Variants in TSHZ2 observed in about 807,000 individuals in gnomAD.
TSHZ2 encodes teashirt homolog 2.
A neutral mutation model predicts 74.4 loss-of-function variants in TSHZ2; 21 were observed. The ratio of observed to expected loss-of-function variants is 0.28; its 90% CI spans 0.20 to 0.41. TSHZ2 has a LOEUF of 0.41. Among genes scored for constraint, TSHZ2 ranks in the 10% least tolerant of loss-of-function variants. The pLI is 1.00. For synonymous variants in TSHZ2, 540 were observed against 515.3 expected, an observed-to-expected ratio of 1.05 and a Z score of -0.65; for missense variants, 1,244 against 1,293.5, an observed-to-expected ratio of 0.96 and a Z score of 0.59.
At chr20:53,343,048 T>A (rs1210408327) in intron 2 of TSHZ2, among the ~76,000 whole-genome samples, 1 of 132,920 alleles carries the variant, frequency 7.5e-6, no homozygotes, top group Non-Finnish European at 1.6e-5. Flanking sequence ...CTCACTGCAA[T>A]CTCCGCCTCC....
intron 1 of TSHZ2, among the ~76,000 whole-genome samples, chr20:53,001,224 G>GTGTGTATGTGTGTGTGTGTGTGTGTA (rs1555813602): frequency 6.8e-6 from 1 of 147,738 alleles, no homozygotes; most frequent in African/African-American, 2.5e-5. Context: ...GTGTGTGTGT[G>GTGTGTATGTGTGTGTGTGTGTGTGTA]TGTGTGTGTG....
intron 2 of TSHZ2, among the ~76,000 whole-genome samples, chr20:53,287,384 G>T (rs1402461516): frequency 6.6e-6 from 1 of 152,164 alleles, no homozygotes; most frequent in African/African-American, 2.4e-5. Flanking sequence ...GGTCCACAAG[G>T]GGTGGGCATT....
intron 1 of TSHZ2, among the ~76,000 whole-genome samples, chr20:53,088,286 A>G (rs1245452242): frequency 1.3e-5 from 2 of 152,216 alleles, no homozygotes; most frequent in African/African-American, 4.8e-5. Flanking sequence ...AACAGAATGT[A>G]CACAATTCTG....
chr20:53,090,111 G>A (rs1268314217), intron 1 of TSHZ2, among the ~76,000 whole-genome samples: 1 of 152,210 alleles, frequency 6.6e-6, no homozygotes, highest in Non-Finnish European at 1.5e-5. Flanking sequence ...TGAAGAACTT[G>A]GAGTCTGATG....
chr20:53,252,817 C>A (rs762411240), intron 1 of TSHZ2, among the ~76,000 whole-genome samples: 4 of 152,154 alleles, frequency 2.6e-5, no homozygotes, highest in Admixed American at 2.6e-4. Flanking sequence ...CATTCTAGCA[C>A]CATTTGCGAT....
rs182729395 is a variant in TSHZ2 at position 53,175,663 on chromosome 20, G to C, written c.41-77836G>C. Among the ~76,000 whole-genome samples, 53 of 152,298 alleles carry C rather than the reference G, an allele frequency of 3.5e-4. No individual in the cohort carries two copies. In the East Asian group the frequency reaches 9.5e-3, roughly 27 times the overall value. Reference sequence around the variant, plus strand: ...AAGCAGCTGAGGCAGAGGGTGGATTGGGGTAGGGCAGATAGTGGCTGCTCC... The same window carrying C: ...AAGCAGCTGAGGCAGAGGGTGGATTCGGGTAGGGCAGATAGTGGCTGCTCC... On this transcript the variant is annotated intron_variant, in intron 1 of 2. Coordinates refer to ENST00000371497, the MANE Select transcript of TSHZ2 (RefSeq NM_173485.6).
At chr20:53,312,392 A>T (rs532605488) in intron 2 of TSHZ2, among the ~76,000 whole-genome samples, 1 of 152,298 alleles carries the variant, frequency 6.6e-6, no homozygotes, top group Non-Finnish European at 1.5e-5. Flanking sequence ...TCACACACAC[A>T]CCAAAAGGGT....
At chr20:53,473,436 G>A (rs76412841) in intron 2 of TSHZ2, among the ~76,000 whole-genome samples, 94 of 130,146 alleles carry the variant, frequency 7.2e-4, no homozygotes, top group African/African-American at 2.2e-3. Flanking sequence ...ACAGACCTGT[G>A]GCTGAGGGTC....
At chr20:53,391,296 G>A (rs779804628) in intron 2 of TSHZ2, among the ~76,000 whole-genome samples, 2 of 151,962 alleles carry the variant, frequency 1.3e-5, no homozygotes, top group African/African-American at 2.4e-5. Context: ...ACAGGCACCC[G>A]CCACCACATC....
At chr20:53,248,237 T>C (rs1012067456) in intron 1 of TSHZ2, among the ~76,000 whole-genome samples, 1 of 138,746 alleles carries the variant, frequency 7.2e-6, no homozygotes, top group African/African-American at 2.6e-5. Context: ...TGCCTGGCTA[T>C]TTTTTTTTTA....
At chr20:53,305,111 T>C (rs1978473814) in intron 2 of TSHZ2, among the ~76,000 whole-genome samples, 1 of 151,058 alleles carries the variant, frequency 6.6e-6, no homozygotes, top group Admixed American at 6.6e-5. Flanking sequence ...AATTTTTTTT[T>C]GTATTTTTAG....
In TSHZ2 at chr20:53,197,593, G is replaced by A. The variant is rs554456546; in HGVS notation, c.41-55906G>A. Among the ~76,000 whole-genome samples the A allele has an allele frequency of 3.9e-5, 6 of 152,282 alleles. No homozygotes were observed. In the East Asian group the frequency reaches 1.2e-3, roughly 29 times the overall value. ...TTTCCCAACCTTCAGTTGCCATCAA[G>A]CATATAATTTATTTCTCCCCCTTCG... On this transcript the variant is annotated intron_variant, in intron 1 of 2. Coordinates refer to ENST00000371497, the MANE Select transcript of TSHZ2 (RefSeq NM_173485.6).
chr20:53,045,575 C>T (rs901781274), intron 1 of TSHZ2, among the ~76,000 whole-genome samples: 6 of 152,198 alleles, frequency 3.9e-5, no homozygotes, highest in Non-Finnish European at 7.3e-5. Flanking sequence ...ATTCATTCAC[C>T]TAAGGAATCA....
chr20:53,400,505 C>T (rs904785885), intron 2 of TSHZ2: 5 of 152,198 alleles, frequency 3.3e-5, no homozygotes, highest in Admixed American at 6.5e-5. Flanking sequence ...GAAGAATGTG[C>T]TTTTTAACTT....
chr20:53,002,771 C>T (rs965866943), intron 1 of TSHZ2, among the ~76,000 whole-genome samples: 1 of 152,130 alleles, frequency 6.6e-6, no homozygotes, highest in Non-Finnish European at 1.5e-5. Context: ...CTTTAAAGAA[C>T]ATAAGTTTTA....
intron 1 of TSHZ2, among the ~76,000 whole-genome samples, chr20:53,053,878 T>A (rs1009067827): frequency 6.6e-6 from 1 of 152,184 alleles, no homozygotes; most frequent in African/African-American, 2.4e-5. Flanking sequence ...TCCCATGTTG[T>A]CCATTGCCAT....
At chr20:52,976,116 G>T (rs941644693) in intron 1 of TSHZ2, among the ~76,000 whole-genome samples, 8 of 152,192 alleles carry the variant, frequency 5.3e-5, no homozygotes, top group African/African-American at 1.9e-4. Flanking sequence ...TAAGTTCCAT[G>T]TTTCAAGGAA....
chr20:52,996,245 C>T (rs141466592), intron 1 of TSHZ2, among the ~76,000 whole-genome samples: 140 of 152,214 alleles, frequency 9.2e-4, no homozygotes, highest in African/African-American at 3.3e-3. Context: ...CTTTCCAAGT[C>T]TAGATCACTG....
At chr20:53,362,480 G>A (rs139302733) in intron 2 of TSHZ2, among the ~76,000 whole-genome samples, 83 of 152,068 alleles carry the variant, frequency 5.5e-4, no homozygotes, top group Middle Eastern at 3.4e-3. Flanking sequence ...CACCGTGCCC[G>A]GCCCACACAG....
Sources: gnomAD v4.1 joint callset for allele counts (sites outside exome capture counted in the v4.1 genomes callset) on GRCh38, gnomAD v4.1.1 for gene constraint, MANE v1.5 for transcripts, NCBI Gene and HGNC (gene_info 2026-07-23, HGNC 2026-07-21) for gene names.